The following APBB2 variants were observed in gnomAD, a reference collection of about 807,000 sequenced individuals.
The protein encoded by APBB2 is Fe65-like 1.
APBB2 carries 38 observed loss-of-function variants against 82.5 expected under a neutral mutation model. The observed-to-expected ratio is 0.46, with a 90% CI of 0.36 to 0.60. The LOEUF is 0.60. Ranked by LOEUF, APBB2 falls within the 20% of genes least tolerant of loss-of-function variation. The pLI is 0.00. For synonymous variants in APBB2, 341 were observed against 368.2 expected (o/e 0.93, Z 0.85); for missense variants, 772 against 972.3 (o/e 0.79, Z 2.74).
chr4:40,951,600 CTTGGACAAG>C (rs1260174158), intron 6 of APBB2, among the ~76,000 whole-genome samples: 4 of 152,222 alleles, frequency 2.6e-5, no homozygotes, highest in African/African-American at 9.6e-5. Context: ...TGTGAGTGTC[CTTGGACAAG>C]TTCCTCAACC....
chr4:40,867,191 C>G (rs2437318), intron 12 of APBB2, among the ~76,000 whole-genome samples: 104,783 of 152,104 alleles, frequency 0.69, 36,465 homozygotes, highest in African/African-American at 0.76. Flanking sequence ...CCATGGCAGA[C>G]ACAGCATGAC....
intron 6 of APBB2, among the ~76,000 whole-genome samples, chr4:40,955,936 C>T (rs1304533547): frequency 4.6e-5 from 7 of 151,920 alleles, no homozygotes; most frequent in Non-Finnish European, 8.8e-5. Context: ...CCACCACGCC[C>T]GGCTAATTTT....
At chr4:40,994,116 C>A (rs904472518) in intron 6 of APBB2, among the ~76,000 whole-genome samples, 5 of 152,038 alleles carry the variant, frequency 3.3e-5, no homozygotes, top group African/African-American at 1.2e-4. Context: ...GAAGCCCCGT[C>A]TCTACTAAAA....
At chr4:41,022,749 A>G (rs1712176726) in intron 5 of APBB2, among the ~76,000 whole-genome samples, 2 of 152,242 alleles carry the variant, frequency 1.3e-5, no homozygotes, top group African/African-American at 4.8e-5. Flanking sequence ...GTAAAACGGG[A>G]AAGGCAAGTG....
chr4:40,932,835 G>T (rs891419850), intron 10 of APBB2, among the ~76,000 whole-genome samples: 25 of 152,146 alleles, frequency 1.6e-4, no homozygotes, highest in African/African-American at 5.8e-4. Context: ...CCTTTCTTCC[G>T]TATGCTTTCT....
At chr4:41,072,845 A>C (rs1217870518) in intron 3 of APBB2, among the ~76,000 whole-genome samples, 2 of 152,234 alleles carry the variant, frequency 1.3e-5, no homozygotes, top group African/African-American at 4.8e-5. Context: ...GAACCTGAAG[A>C]AAGGGAGGAC....
intron 3 of APBB2, among the ~76,000 whole-genome samples, chr4:41,069,726 C>T (rs1303175782): frequency 6.6e-6 from 1 of 152,170 alleles, no homozygotes; most frequent in Non-Finnish European, 1.5e-5. Flanking sequence ...GCTTTCACAA[C>T]TAGGAGGTAA....
chr4:40,917,222 A>G (rs1206998384), intron 10 of APBB2, among the ~76,000 whole-genome samples: 1 of 152,122 alleles, frequency 6.6e-6, no homozygotes, highest in East Asian at 1.9e-4. Context: ...CTTCACCTTC[A>G]TATTCTGCTA....
intron 12 of APBB2, among the ~76,000 whole-genome samples, chr4:40,833,275 G>C (rs142471633): frequency 1.3e-5 from 2 of 152,222 alleles, no homozygotes; most frequent in African/African-American, 4.8e-5. Context: ...AAACCTCTGG[G>C]TGGATTTTAA....
intron 4 of APBB2, among the ~76,000 whole-genome samples, chr4:41,053,178 A>G (rs984574475): frequency 2.6e-5 from 4 of 152,386 alleles, no homozygotes; most frequent in Non-Finnish European, 4.4e-5. Flanking sequence ...TAGGGAAAAA[A>G]GTGAAATTTT....
At chr4:40,825,508 G>C (rs541985901) in intron 15 of APBB2, among the ~76,000 whole-genome samples, 1 of 152,374 alleles carries the variant, frequency 6.6e-6, no homozygotes, top group East Asian at 1.9e-4. Flanking sequence ...AGCCTCCACA[G>C]TCCTTTCTCC....
At chr4:40,911,508 C>T (rs988303594) in intron 10 of APBB2, among the ~76,000 whole-genome samples, 6 of 152,184 alleles carry the variant, frequency 3.9e-5, no homozygotes, top group East Asian at 1.9e-4. Context: ...TCGATTCAGT[C>T]GGGGGACCTA....
chr4:40,826,181 AATGC>A lies in APBB2; in HGVS notation c.1733-215_1733-212del. 1.8e-6 allele frequency: 1 copy of A among 548,186 alleles called. No homozygotes were observed. The highest frequency in any genetic ancestry group is 3.3e-6 in the Non-Finnish European group (1 of 303,198). 34.0% of individuals were successfully genotyped at this position (548,186 alleles called of 1,614,324 possible). On this transcript the variant is annotated intron_variant, in intron 14 of 17. Transcript: ENST00000508593. The surrounding 1 kb of genome is among the most constrained non-coding windows in gnomAD (Gnocchi z 4.5). ...AATCCTGTTCAACTTTCAAGATAGG[AATGC>A]ATGTGAAAGCAGGAAGTGGCATCTA...
chr4:40,877,222 AG>A (rs1767162630), intron 12 of APBB2, among the ~76,000 whole-genome samples: 1 of 152,248 alleles, frequency 6.6e-6, no homozygotes, highest in Non-Finnish European at 1.5e-5. Context: ...GGAGTATAAC[AG>A]ATTTGCCTTG....
At chr4:40,873,502 T>C (rs1387057060) in intron 12 of APBB2, among the ~76,000 whole-genome samples, 1 of 152,348 alleles carries the variant, frequency 6.6e-6, no homozygotes, top group African/African-American at 2.4e-5. Flanking sequence ...GAACATTTCC[T>C]TTAGGCAAGA....
At chr4:41,106,465 T>TC (rs1480539147) in intron 2 of APBB2, among the ~76,000 whole-genome samples, 1 of 151,172 alleles carries the variant, frequency 6.6e-6, no homozygotes, top group South Asian at 2.1e-4. Context: ...TTAGGCACTT[T>TC]TTTTTGTTTC....
At chr4:41,124,708 T>C (rs568463860) in intron 2 of APBB2, among the ~76,000 whole-genome samples, 8 of 152,330 alleles carry the variant, frequency 5.3e-5, no homozygotes, top group Admixed American at 2.6e-4. Flanking sequence ...TGATTAAACA[T>C]GGAATAAATG....
Position 40,934,658 on chromosome 4 carries a change from T to C in APBB2, c.1149A>G (p.Lys383=). 1 of 1,614,148 alleles carries C rather than the reference T, an allele frequency of 6.2e-7. No individual in the cohort carries two copies. Among genetic ancestry groups the C allele is most frequent in the Non-Finnish European group, 8.5e-7 (1 of 1,179,966 alleles). ...AATVNPDPSL[K]EFEGATLRYA... is the part of the protein sequence containing the mutation. The stretch of plus-strand genomic sequence containing the variant: ...AGCGTAGGGTTGCTCCTTCAAACTC[T>C]TTTAAACTGGGGTCCGGGTTAACAG... The change falls in exon 9 of 18, where the codon AAA becomes AAG. Residue 383 remains lysine, a synonymous_variant. Transcript: ENST00000508593.
At chr4:40,945,593 T>C (rs780875196) in intron 6 of APBB2, among the ~76,000 whole-genome samples, 13 of 152,194 alleles carry the variant, frequency 8.5e-5, no homozygotes, top group Non-Finnish European at 1.5e-4. Context: ...ATAGCAATAG[T>C]AGTAGTCTTT....
Sources: gnomAD v4.1 joint callset for allele counts (sites outside exome capture counted in the v4.1 genomes callset) on GRCh38, gnomAD v4.1.1 for gene constraint, Gnocchi (gnomAD v3.1) non-coding constraint, MANE v1.5 for transcripts, NCBI Gene and HGNC (gene_info 2026-07-23, HGNC 2026-07-21) for gene names.